The following ARSF variants were observed in gnomAD, a reference collection of about 807,000 sequenced individuals.
ARSF encodes the protein arylsulfatase F.
Under a neutral mutation model 35.4 loss-of-function variants are expected in ARSF, and 33 were observed. The observed-to-expected ratio is 0.93, with a 90% confidence interval of 0.71 to 1.25. The LOEUF (loss-of-function observed/expected upper bound fraction) is 1.25, where lower values mean the gene tolerates loss of function less well. Among genes scored for constraint, ARSF ranks in the 50% most tolerant of loss-of-function variants. The pLI, the probability that ARSF is intolerant of heterozygous loss-of-function variation, is 0.00. For synonymous variants in ARSF, 222 were observed against 193.1 expected, an observed-to-expected ratio of 1.15 and a Z score of -1.24; for missense variants, 501 against 480.2, an observed-to-expected ratio of 1.04 and a Z score of -0.40.
At chrX:3,068,626 T>C (rs2090082456) in intron 2 of ARSF, among the ~76,000 whole-genome samples, 1 of 110,824 alleles carries the variant, frequency 9.0e-6, no homozygotes, top group Admixed American at 9.7e-5. Flanking sequence ...GTTCTCATTT[T>C]GTTGCCCAGG....
intron 1 of ARSF, among the ~76,000 whole-genome samples, chrX:3,050,309 C>T (rs192256146): frequency 1.8e-5 from 2 of 109,809 alleles, no homozygotes; most frequent in Admixed American, 2.0e-4. Flanking sequence ...TTTGGGAGGC[C>T]AAGGCAGGCG....
chrX:3,058,873 A>G (rs1160340636), intron 1 of ARSF, among the ~76,000 whole-genome samples: 2 of 111,589 alleles, frequency 1.8e-5, no homozygotes, highest in African/African-American at 6.5e-5. Flanking sequence ...AAAGAAAAAG[A>G]AAAAAAGAGA....
chrX:3,055,709 G>A (rs1404387620), intron 1 of ARSF, among the ~76,000 whole-genome samples: 5 of 111,104 alleles, frequency 4.5e-5, no homozygotes, highest in Non-Finnish European at 9.4e-5. Flanking sequence ...CATCTTCATC[G>A]TCCCTGGGTT....
chrX:3,108,970 C>G (rs760487827), intron 9 of ARSF, among the ~76,000 whole-genome samples: 60 of 110,949 alleles, frequency 5.4e-4, no homozygotes, highest in Non-Finnish European at 8.1e-4. Flanking sequence ...GAGCCGAGAT[C>G]GTGCCGTTGC....
chrX:3,088,701 C>T (rs1043667278), intron 6 of ARSF, among the ~76,000 whole-genome samples: 1 of 111,016 alleles, frequency 9.0e-6, no homozygotes, highest in Non-Finnish European at 1.9e-5. Context: ...GCTGGGATTA[C>T]AGGAGCCCAT....
At chrX:3,041,821 T>C (rs765535115) in intron 1 of ARSF, among the ~76,000 whole-genome samples, 158 bp downstream of exon 1, 1 of 112,344 alleles carries the variant, frequency 8.9e-6, no homozygotes, top group Non-Finnish European at 1.9e-5. Context: ...TCAAATTGGC[T>C]TCAAGTCAAA....
At chrX:3,106,922 G>A (rs961491273) in intron 9 of ARSF, among the ~76,000 whole-genome samples, 1 of 111,827 alleles carries the variant, frequency 8.9e-6, no homozygotes, top group African/African-American at 3.2e-5. Context: ...AAGACCTCAC[G>A]TGGATACCAA....
At chrX:3,062,686 A>G (rs191945477) in intron 1 of ARSF, among the ~76,000 whole-genome samples, 1 of 112,212 alleles carries the variant, frequency 8.9e-6, no homozygotes, top group East Asian at 2.8e-4. Flanking sequence ...CTCTATGCAA[A>G]TGAACTAGAA....
At chrX:3,095,443 T>C (rs2090332502) in intron 7 of ARSF, among the ~76,000 whole-genome samples, 1 of 108,249 alleles carries the variant, frequency 9.2e-6, no homozygotes, top group South Asian at 3.8e-4. Flanking sequence ...AAACATATCA[T>C]TAATATACAA....
chrX:3,092,890 T>A (rs1057387050), intron 7 of ARSF, among the ~76,000 whole-genome samples: 3 of 112,211 alleles, frequency 2.7e-5, no homozygotes, highest in East Asian at 2.8e-4. Flanking sequence ...TTATCATAGG[T>A]GGCCGGGCGC....
chrX:3,062,788 G>A (rs986859693), intron 1 of ARSF, among the ~76,000 whole-genome samples: 8 of 111,360 alleles, frequency 7.2e-5, no homozygotes, highest in African/African-American at 2.3e-4. Flanking sequence ...CCAATAACAG[G>A]CTCTGAAATT....
intron 1 of ARSF, among the ~76,000 whole-genome samples, chrX:3,042,913 T>C (rs1292119116): frequency 2.7e-5 from 3 of 110,683 alleles, no homozygotes; most frequent in Non-Finnish European, 5.7e-5. Flanking sequence ...TCCCAGCACT[T>C]TGGGAGGCTG....
intron 1 of ARSF, among the ~76,000 whole-genome samples, chrX:3,060,614 C>A (rs181509205): frequency 9.0e-6 from 1 of 111,392 alleles, no homozygotes; most frequent in Admixed American, 9.6e-5. Flanking sequence ...TAGAGAAGAC[C>A]TTAAATGACC....
intron 5 of ARSF, among the ~76,000 whole-genome samples, chrX:3,083,903 C>A (rs934158327): frequency 1.9e-4 from 21 of 111,647 alleles, no homozygotes; most frequent in Admixed American, 1.2e-3. Context: ...TGTGATGTCT[C>A]TATCTTTGTG....
At chrX:3,084,112 G>T (rs1352851295) in intron 5 of ARSF, 131 bp from the exon 6 acceptor site, 2 of 810,256 alleles carry the variant, frequency 2.5e-6, no homozygotes, top group Non-Finnish European at 3.5e-6. Context: ...AGAGGAAGGA[G>T]AATATCTCTG....
chrX:3,081,148 A>C, intron 5 of ARSF, 135 bp downstream of exon 5: 2 of 899,141 alleles, frequency 2.2e-6, no homozygotes, highest in Non-Finnish European at 3.0e-6. Flanking sequence ...CCATGCCTAC[A>C]ATCCCAGTAC....
At chrX:3,083,380 T>C (rs2090217073) in intron 5 of ARSF, among the ~76,000 whole-genome samples, 1 of 111,035 alleles carries the variant, frequency 9.0e-6, no homozygotes, top group African/African-American at 3.3e-5. Context: ...AATTAGCTAG[T>C]CATCTATCGA....
chrX:3,078,208 G>C lies in ARSF; in HGVS notation c.283+1539G>C, dbSNP rs187087195. Among the ~76,000 whole-genome samples the C allele has an allele frequency of 1.5e-4, 17 of 110,718 alleles. No individual in the cohort carries two copies. In the East Asian group the frequency reaches 4.8e-3, roughly 31 times the overall value. On this transcript the variant is annotated intron_variant, in intron 4 of 10. Coordinates refer to ENST00000381127, the MANE Select transcript of ARSF (RefSeq NM_001201539.2). ...CTTTTTAATTTATTACTATTATTTT[G>C]AGACAAGGTCTTGCTCTGTTGACCG... is the stretch of plus-strand genomic sequence containing the variant.
chrX:3,073,837 G>A (rs1475055723), intron 3 of ARSF, among the ~76,000 whole-genome samples: 1 of 105,493 alleles, frequency 9.5e-6, no homozygotes, highest in African/African-American at 3.4e-5. Context: ...AATTTGGTGA[G>A]CCAATAGATT....
Sources: allele counts gnomAD v4.1 joint callset (sites outside exome capture counted in the v4.1 genomes callset), GRCh38; gene constraint gnomAD v4.1.1; transcripts MANE v1.5; gene names NCBI Gene and HGNC (gene_info 2026-07-23, HGNC 2026-07-21).